FAM171B: variants seen among roughly 807,000 people sequenced by gnomAD.
FAM171B encodes protein FAM171B.
FAM171B carries 19 observed loss-of-function variants against 75.6 expected under a neutral mutation model. The ratio of observed to expected loss-of-function variants is 0.25; its 90% CI spans 0.18 to 0.37. The LOEUF (loss-of-function observed/expected upper bound fraction) is 0.37. Ranked by LOEUF, FAM171B falls within the 10% of genes least tolerant of loss-of-function variation. The pLI is 1.00. For missense variants in FAM171B, 848 were observed against 982.4 expected (o/e 0.86, Z 1.83); for synonymous variants, 367 against 361.7 (o/e 1.01, Z -0.17).
intron 1 of FAM171B, among the ~76,000 whole-genome samples, chr2:186,730,521 C>A (rs544235016): frequency 6.6e-6 from 1 of 152,182 alleles, no homozygotes; most frequent in Admixed American, 6.5e-5. Flanking sequence ...GTTAGTCAGG[C>A]CTGTATTATG....
chr2:186,761,362 A>G (rs1397797316), intron 7 of FAM171B, 117 bp from the exon 8 acceptor site: 5 of 1,436,724 alleles, frequency 3.5e-6, no homozygotes, highest in East Asian at 2.4e-5. Flanking sequence ...TTTATTTTTA[A>G]TCTACATATC....
intron 1 of FAM171B, among the ~76,000 whole-genome samples, chr2:186,726,835 G>A (rs1232736074): frequency 1.3e-5 from 2 of 152,234 alleles, no homozygotes; most frequent in African/African-American, 4.8e-5. Flanking sequence ...ACTTCTTGCT[G>A]TAATTATTAT....
At chr2:186,726,759 C>T (rs542377663) in intron 1 of FAM171B, among the ~76,000 whole-genome samples, 8 of 151,902 alleles carry the variant, frequency 5.3e-5, no homozygotes, top group African/African-American at 1.4e-4. Context: ...TCAAAATTTC[C>T]AGGTTAAATA....
chr2:186,749,333 C>T (rs2105789171), intron 4 of FAM171B, among the ~76,000 whole-genome samples: 1 of 152,166 alleles, frequency 6.6e-6, no homozygotes, highest in East Asian at 1.9e-4. Flanking sequence ...TCAGTTTCAA[C>T]AGTTTGTAAA....
chr2:186,713,134 G>A (rs1005656307), intron 1 of FAM171B, among the ~76,000 whole-genome samples: 2 of 152,180 alleles, frequency 1.3e-5, no homozygotes, highest in Non-Finnish European at 2.9e-5. Flanking sequence ...AGGCCTGTGC[G>A]GCTGCCCTGG....
Position 186,753,822 on chromosome 2 carries a change from T to C in FAM171B, c.896-111T>C, listed in dbSNP as rs192843701. On this transcript the variant is annotated intron_variant, in intron 5 of 7. Coordinates refer to ENST00000304698, the MANE Select transcript of FAM171B (RefSeq NM_177454.4). ...TGTGATATATATTAGCCTATGATTA[T>C]ATATTGCCACAGTTTTCATAATCTT... 4 of 730,522 alleles carry C rather than the reference T, an allele frequency of 5.5e-6. No homozygotes were observed. The Admixed American group carries it at 6.1e-5, about 11-fold the overall frequency. The allele number at this position is 730,522 out of a possible 1,614,324, so 45.3% of individuals were successfully genotyped here. A position where few individuals can be genotyped will look rare whatever the true frequency, so the allele number is the denominator to read the frequency against.
chr2:186,728,363 G>A (rs1009216266), intron 1 of FAM171B, among the ~76,000 whole-genome samples: 4 of 151,980 alleles, frequency 2.6e-5, no homozygotes, highest in African/African-American at 9.7e-5. Flanking sequence ...TTCACGTGTT[G>A]TTTCCTCTCA....
chr2:186,755,884 T>G (rs993879633), intron 6 of FAM171B, among the ~76,000 whole-genome samples: 3 of 152,198 alleles, frequency 2.0e-5, no homozygotes, highest in African/African-American at 7.2e-5. Flanking sequence ...CAGAGGGTGG[T>G]TACTTTTGCT....
intron 1 of FAM171B, among the ~76,000 whole-genome samples, chr2:186,696,239 A>G (rs1216879909): frequency 6.6e-6 from 1 of 152,100 alleles, no homozygotes; most frequent in Non-Finnish European, 1.5e-5. Context: ...TTCTTCCTCA[A>G]AAACTCTAAT....
chr2:186,702,855 A>AT (rs1689682710), intron 1 of FAM171B, among the ~76,000 whole-genome samples: 2 of 152,112 alleles, frequency 1.3e-5, no homozygotes. Context: ...CAAAAGTAAG[A>AT]TTTAAAATTA....
At chr2:186,747,790 G>A (rs1690387605) in intron 4 of FAM171B, among the ~76,000 whole-genome samples, 1 of 152,050 alleles carries the variant, frequency 6.6e-6, no homozygotes, top group Non-Finnish European at 1.5e-5. Context: ...CTATAAGGCT[G>A]TCATAATATA....
In FAM171B at chr2:186,694,397, C is replaced by A; in HGVS notation, c.224C>A (p.Thr75Asn). 6.2e-7 allele frequency: 1 copy of A among 1,612,512 alleles called. No individual in the cohort carries two copies. The highest frequency in any genetic ancestry group is 2.2e-5 in the East Asian group (1 of 44,834). Reference protein sequence around the residue: ...ERTEVPGATSTLTVPVSVFML... With the variant: ...ERTEVPGATSNLTVPVSVFML... Reference sequence around the variant, plus strand: ...ACAGAGGTGCCTGGGGCAACCTCCACCTTGACGGTTCCAGGTAGGTCCTGG... The same window carrying A: ...ACAGAGGTGCCTGGGGCAACCTCCAACTTGACGGTTCCAGGTAGGTCCTGG... Residue 75 changes from threonine to asparagine, a missense_variant, in exon 1 of 8, where the codon ACC (threonine) becomes AAC (asparagine). Physicochemically the swap from Thr to Asn is moderately conservative, Grantham distance 65. Transcript: ENST00000304698.
intron 3 of FAM171B, among the ~76,000 whole-genome samples, chr2:186,745,075 C>G (rs567786372): frequency 1.3e-5 from 2 of 152,124 alleles, no homozygotes; most frequent in Admixed American, 6.5e-5. Context: ...AGCGATCCGC[C>G]CATCTCAGCC....
At chr2:186,729,666 G>T (rs1307067335) in intron 1 of FAM171B, among the ~76,000 whole-genome samples, 2 of 151,884 alleles carry the variant, frequency 1.3e-5, no homozygotes, top group African/African-American at 4.8e-5. Context: ...GGTTTTTTTT[G>T]TTTTGTTTTG....
intron 1 of FAM171B, among the ~76,000 whole-genome samples, chr2:186,717,197 TTAAAAAATG>T (rs1225820105): frequency 6.6e-6 from 1 of 152,106 alleles, no homozygotes; most frequent in African/African-American, 2.4e-5. Flanking sequence ...TACTCTTCTT[TTAAAAAATG>T]TGAAGAAGAG....
chr2:186,739,136 A>AT (rs903114875), intron 1 of FAM171B, among the ~76,000 whole-genome samples: 6 of 151,826 alleles, frequency 4.0e-5, no homozygotes, highest in South Asian at 4.2e-4. Context: ...CATACAAAAG[A>AT]TTTTTTTTTA....
chr2:186,725,863 A>T (rs558708170), intron 1 of FAM171B, among the ~76,000 whole-genome samples: 1 of 152,232 alleles, frequency 6.6e-6, no homozygotes, highest in African/African-American at 2.4e-5. Flanking sequence ...ACAAGTCAGG[A>T]TGACAAATGC....
chr2:186,726,739 T>C (rs1221130733), intron 1 of FAM171B, among the ~76,000 whole-genome samples: 1 of 152,186 alleles, frequency 6.6e-6, no homozygotes, highest in Non-Finnish European at 1.5e-5. Flanking sequence ...GTCAAAACTG[T>C]TTTTTCTAGT....
intron 1 of FAM171B, among the ~76,000 whole-genome samples, chr2:186,696,219 A>G (rs1453100338): frequency 6.6e-6 from 1 of 152,134 alleles, no homozygotes; most frequent in African/African-American, 2.4e-5. Flanking sequence ...GAAGTAACCT[A>G]TGATGATTCT....
Sources: gnomAD v4.1 joint callset for allele counts (sites outside exome capture counted in the v4.1 genomes callset) on GRCh38, gnomAD v4.1.1 for gene constraint, MANE v1.5 for transcripts, NCBI Gene and HGNC (gene_info 2026-07-23, HGNC 2026-07-21) for gene names.